TBC1D9B: variants seen among roughly 807,000 people sequenced by gnomAD.
The protein encoded by TBC1D9B is TBC1 domain family, member 9B (with GRAM domain).
Under a neutral mutation model 121.1 loss-of-function variants are expected in TBC1D9B, and 87 were observed. That is an observed-to-expected ratio of 0.72 (90% CI 0.60 to 0.86). TBC1D9B has a LOEUF of 0.86. Among genes scored for constraint, TBC1D9B ranks in the 40% least tolerant of loss-of-function variants. The probability of loss-of-function intolerance (pLI) is 0.00; values close to 1 mark genes in which losing one functional copy is unlikely to be tolerated. For missense variants in TBC1D9B, 1,540 were observed against 1,628.6 expected, an observed-to-expected ratio of 0.95 and a Z score of 0.94; for synonymous variants, 668 against 670.1, an observed-to-expected ratio of 1.00 and a Z score of 0.05.
chr5:179,887,326 G>A (rs79292716), intron 7 of TBC1D9B, among the ~76,000 whole-genome samples: 5,031 of 152,308 alleles, frequency 0.033, 259 homozygotes, highest in African/African-American at 0.11. Flanking sequence ...GCCCACAGGC[G>A]GACCTGCCAG....
intron 10 of TBC1D9B, among the ~76,000 whole-genome samples, chr5:179,876,342 A>G (rs1760360178): frequency 6.6e-6 from 1 of 152,188 alleles, no homozygotes; most frequent in African/African-American, 2.4e-5. Context: ...AACTCCTTCA[A>G]ACTGGGTCAG....
chr5:179,875,322 G>A lies in TBC1D9B; in HGVS notation c.1901-135C>T, dbSNP rs1214683463. ...AGGGCTGAGGGAGACTTGGAGTGCT[G>A]GGAGAAAACAAGGACGAAAAAACCC... On this transcript the variant is annotated intron_variant, in intron 11 of 20. Transcript: ENST00000355235. This position sits in a 1 kb window ranked among gnomAD's most constrained non-coding sequence, Gnocchi z 4.5. The A allele has an allele frequency of 8.6e-7, 1 of 1,156,092 alleles. No homozygotes were observed. Among genetic ancestry groups the A allele is most frequent in the Non-Finnish European group, 1.2e-6 (1 of 841,280 alleles). 71.6% of individuals were successfully genotyped at this position (1,156,092 alleles called of 1,614,324 possible). A position where few individuals can be genotyped will look rare whatever the true frequency, so the allele number is the denominator to read the frequency against.
At position 179,904,220 on chromosome 5, in the gene TBC1D9B, CT is replaced by C. The variant is rs550418299; in HGVS notation, c.229+481del. Among the ~76,000 whole-genome samples the C allele has an allele frequency of 1.2e-3, 94 of 80,896 alleles. 1 individual carries two copies. The highest frequency in any genetic ancestry group is 7.4e-3 in the Middle Eastern group (1 of 136). 53.1% of individuals were successfully genotyped at this position (80,896 alleles called of 152,430 possible). ...CTGTCCCCATGACCAGTGGAGCTGC[CT>C]TTTTTTTTTTTTTTTTTTTTTGAGA... On this transcript the variant is annotated intron_variant, in intron 2 of 20. Coordinates refer to ENST00000355235, the MANE Select transcript of TBC1D9B (RefSeq NM_015043.4). This position sits in a 1 kb window ranked among gnomAD's most constrained non-coding sequence, Gnocchi z 4.2.
intron 2 of TBC1D9B, among the ~76,000 whole-genome samples, chr5:179,901,141 C>T (rs1341980405): frequency 2.0e-5 from 3 of 152,200 alleles, no homozygotes; most frequent in Admixed American, 1.3e-4. Flanking sequence ...CACGGGAAAA[C>T]GATTCCACCC....
chr5:179,905,029 GCTT>G (rs1209154584), intron 1 of TBC1D9B, among the ~76,000 whole-genome samples: 21 of 152,218 alleles, frequency 1.4e-4, no homozygotes, highest in Non-Finnish European at 1.5e-4. Context: ...GGAAGCATCT[GCTT>G]CTTCTCCTGG....
Position 179,867,847 on chromosome 5 carries a change from G to A in TBC1D9B, c.2794C>T (p.Leu932=). 2.0e-6 allele frequency: 3 copies of A among 1,517,716 alleles called. No individual in the cohort carries two copies. The highest frequency in any genetic ancestry group is 2.8e-5 in the African/African-American group (2 of 71,820). The allele number at this position is 1,517,716 out of a possible 1,614,324, so 94.0% of individuals were successfully genotyped here. A position where few individuals can be genotyped will look rare whatever the true frequency, so the allele number is the denominator to read the frequency against. The change falls in exon 18 of 21, where the codon CTG becomes TTG. Residue 932 remains leucine (L), a splice_region_variant and synonymous_variant. Transcript: ENST00000355235. ...GCTGACTCGGCTTCCTCTGGGCTCA[G>A]AGCTGTGCTTGGAGAGAAGGCAGAG... ...VLYKLHLPPA[L]SPEEAESALE... is the part of the protein sequence containing the mutation.
rs1402469181 is a variant in TBC1D9B at position 179,902,179 on chromosome 5, T to G, written c.229+2523A>C. Among the ~76,000 whole-genome samples the G allele has an allele frequency of 6.6e-6, 1 of 151,486 alleles. No individual in the cohort carries two copies. The highest frequency in any genetic ancestry group is 2.1e-4 in the South Asian group (1 of 4,788). On this transcript the variant is annotated intron_variant, in intron 2 of 20. Transcript: ENST00000355235. The surrounding 1 kb of genome is among the most constrained non-coding windows in gnomAD (Gnocchi z 4.9). ...TGCAGACACGTCATGTCCAGAGGAGTAAGGAGGAAGGATGGGTCTGTGGAG... is the reference window on the plus strand; with the variant it reads ...TGCAGACACGTCATGTCCAGAGGAGGAAGGAGGAAGGATGGGTCTGTGGAG...
Position 179,863,165 on chromosome 5 carries a change from C to A in TBC1D9B, c.*283G>T, listed in dbSNP as rs1759896803. Reference sequence around the variant, plus strand: ...AGATCTGAGAGCCTGTAATGCTAGGCAGGTGCAGCTGGTGCGAGGCGGGCT... The same window carrying A: ...AGATCTGAGAGCCTGTAATGCTAGGAAGGTGCAGCTGGTGCGAGGCGGGCT... On this transcript the variant is annotated 3_prime_UTR_variant, in exon 21 of 21. Transcript: ENST00000355235. This position sits in a 1 kb window ranked among gnomAD's most constrained non-coding sequence, Gnocchi z 4.5. 1.7e-5 allele frequency: 8 copies of A among 460,514 alleles called. No homozygotes were observed. In the South Asian group the frequency reaches 2.3e-4, roughly 13 times the overall value. 28.5% of individuals were successfully genotyped at this position (460,514 alleles called of 1,614,324 possible). A position where few individuals can be genotyped will look rare whatever the true frequency, so the allele number is the denominator to read the frequency against.
At chr5:179,893,919 C>G (rs1403657644) in intron 4 of TBC1D9B, among the ~76,000 whole-genome samples, 1 of 151,950 alleles carries the variant, frequency 6.6e-6, no homozygotes, top group Non-Finnish European at 1.5e-5. Context: ...CTGAGGGAGG[C>G]AAGGAGGGAG....
intron 7 of TBC1D9B, among the ~76,000 whole-genome samples, chr5:179,883,568 A>C (rs1760597625): frequency 6.8e-6 from 1 of 147,538 alleles, no homozygotes; most frequent in Non-Finnish European, 1.5e-5. Flanking sequence ...AGTCCTGTCA[A>C]CTCTCTTCAT....
chr5:179,866,893 G>A (rs1485482865), intron 18 of TBC1D9B: 3 of 153,640 alleles, frequency 2.0e-5, no homozygotes, highest in African/African-American at 7.2e-5. Flanking sequence ...CATTATGGTC[G>A]GTTTTGCAAG....
At chr5:179,871,330 A>T in intron 15 of TBC1D9B, 132 bp downstream of exon 15, 1 of 885,976 alleles carries the variant, frequency 1.1e-6, no homozygotes, top group Non-Finnish European at 1.7e-6. Flanking sequence ...GGATGCACTT[A>T]GATCTGTTTC....
chr5:179,894,273 T>C lies in TBC1D9B; in HGVS notation c.577+113A>G, dbSNP rs951038349. ...CCATCTTGGGCCGCTAAGGTGGCAT[T>C]TGGGTTTCAGGGAGACCCCTCTGGT... is the stretch of plus-strand genomic sequence containing the variant. On this transcript the variant is annotated intron_variant, in intron 4 of 20. Coordinates refer to ENST00000355235, the MANE Select transcript of TBC1D9B (RefSeq NM_015043.4). The C allele has an allele frequency of 5.9e-6, 6 of 1,018,170 alleles. No homozygotes were observed. In the African/African-American group the frequency reaches 9.6e-5, roughly 16 times the overall value. The allele number at this position is 1,018,170 out of a possible 1,614,324, so 63.1% of individuals were successfully genotyped here. A position where few individuals can be genotyped will look rare whatever the true frequency, so the allele number is the denominator to read the frequency against.
intron 10 of TBC1D9B, among the ~76,000 whole-genome samples, chr5:179,877,120 C>T (rs528251669): frequency 6.8e-6 from 1 of 147,774 alleles, no homozygotes. Flanking sequence ...GCTGGTGGCT[C>T]ACGCCTATAA....
chr5:179,872,866 C>CCCCCCCCCCCCCCCCG, intron 14 of TBC1D9B, 26 bp downstream of exon 14: 1 of 1,566,242 alleles, frequency 6.4e-7, no homozygotes, highest in Non-Finnish European at 8.7e-7. Context: ...AGCCCAGCCC[C>CCCCCCCCCCCCCCCCG]TGCCCAGCCC....
chr5:179,878,224 C>A, intron 10 of TBC1D9B, 85 bp downstream of exon 10: 2 of 1,430,172 alleles, frequency 1.4e-6, no homozygotes, highest in African/African-American at 1.4e-5. Context: ...GGCAGGGTCA[C>A]CACACAGGCC....
rs1342064585 is a variant in TBC1D9B at position 179,863,231 on chromosome 5, T to C, written c.*217A>G. 3.5e-6 allele frequency: 2 copies of C among 577,832 alleles called. No individual in the cohort carries two copies. Among genetic ancestry groups the C allele is most frequent in the East Asian group, 5.9e-5 (2 of 33,670 alleles). The allele number at this position is 577,832 out of a possible 1,614,324, so 35.8% of individuals were successfully genotyped here. A position where few individuals can be genotyped will look rare whatever the true frequency, so the allele number is the denominator to read the frequency against. ...GAAGGTGGGAGCCACAGCCTCTTCC[T>C]GGGCCCAGAAGCAGCCGGCGCCAGG... On this transcript the variant is annotated 3_prime_UTR_variant, in exon 21 of 21. Coordinates refer to ENST00000355235, the MANE Select transcript of TBC1D9B (RefSeq NM_015043.4). This position sits in a 1 kb window ranked among gnomAD's most constrained non-coding sequence, Gnocchi z 4.5.
rs1399097100 is a variant in TBC1D9B at position 179,874,135 on chromosome 5, C to G, written c.2186+767G>C. On this transcript the variant is annotated intron_variant, in intron 12 of 20. Coordinates refer to ENST00000355235, the MANE Select transcript of TBC1D9B (RefSeq NM_015043.4). The surrounding 1 kb of genome is among the most constrained non-coding windows in gnomAD (Gnocchi z 4.3). The stretch of plus-strand genomic sequence containing the variant: ...CGCTATGTAGGAGGGTGGGACTGCA[C>G]AGAGCTCAGGGCAGGGCAGAGTGTA... 6.6e-6 allele frequency among the ~76,000 whole-genome samples: 1 copy of G among 152,144 alleles called. No individual in the cohort carries two copies. Among genetic ancestry groups the G allele is most frequent in the Non-Finnish European group, 1.5e-5 (1 of 68,030 alleles).
At chr5:179,870,178 G>T in intron 16 of TBC1D9B, 77 bp downstream of exon 16, 1 of 1,581,186 alleles carries the variant, frequency 6.3e-7, no homozygotes, top group South Asian at 1.2e-5. Context: ...GAACAGACAG[G>T]AGATGCTGGC....
Sources: gnomAD v4.1 joint callset for allele counts (sites outside exome capture counted in the v4.1 genomes callset) on GRCh38, gnomAD v4.1.1 for gene constraint, Gnocchi (gnomAD v3.1) non-coding constraint, MANE v1.5 for transcripts, NCBI Gene and HGNC (gene_info 2026-07-23, HGNC 2026-07-21) for gene names.